The following PAPSS1 variants were observed in gnomAD, a reference collection of about 807,000 sequenced individuals.
The protein encoded by PAPSS1 is 3'-phosphoadenosine 5'-phosphosulfate synthase 1.
In PAPSS1, 50 loss-of-function variants were observed where a neutral mutation model predicts 72.0. That is an observed-to-expected ratio of 0.69 (90% CI 0.55 to 0.88). The LOEUF (loss-of-function observed/expected upper bound fraction) is 0.88. Among genes scored for constraint, PAPSS1 ranks in the 40% least tolerant of loss-of-function variants. The pLI is 0.00. For synonymous variants in PAPSS1, 261 were observed against 263.6 expected (o/e 0.99, Z 0.09); for missense variants, 657 against 782.2 (o/e 0.84, Z 1.91).
At chr4:107,629,299 T>C (rs943036208) in intron 11 of PAPSS1, among the ~76,000 whole-genome samples, 8 of 152,118 alleles carry the variant, frequency 5.3e-5, no homozygotes, top group Non-Finnish European at 1.0e-4. Flanking sequence ...AAATCAGCAG[T>C]TTACATTTTA....
intron 5 of PAPSS1, among the ~76,000 whole-genome samples, chr4:107,679,291 G>A (rs1376359324): frequency 1.3e-5 from 2 of 152,170 alleles, no homozygotes; most frequent in East Asian, 3.9e-4. Flanking sequence ...GGCATACAGG[G>A]AACACTGAGG....
intron 3 of PAPSS1, among the ~76,000 whole-genome samples, chr4:107,689,075 C>G (rs1314549611): frequency 6.6e-6 from 1 of 152,202 alleles, no homozygotes; most frequent in African/African-American, 2.4e-5. Flanking sequence ...AACCTCACTT[C>G]TCTTGTCTGA....
At chr4:107,679,573 A>G (rs1169204864) in intron 5 of PAPSS1, among the ~76,000 whole-genome samples, 1 of 152,138 alleles carries the variant, frequency 6.6e-6, no homozygotes, top group Non-Finnish European at 1.5e-5. Context: ...AAATTACAAG[A>G]TACACCAAGA....
At chr4:107,701,806 C>T (rs1723210617) in intron 1 of PAPSS1, among the ~76,000 whole-genome samples, 1 of 152,158 alleles carries the variant, frequency 6.6e-6, no homozygotes, top group Admixed American at 6.5e-5. Context: ...AAAAAGGAAA[C>T]AGAGTGCCTC....
intron 9 of PAPSS1, among the ~76,000 whole-genome samples, chr4:107,646,400 T>A (rs72673586): frequency 0.18 from 27,088 of 150,426 alleles, 3,102 homozygotes; most frequent in Non-Finnish European, 0.25. Flanking sequence ...TGTAGCACCG[T>A]TGTTTGGTCC....
intron 5 of PAPSS1, among the ~76,000 whole-genome samples, chr4:107,678,161 A>G (rs908144421): frequency 6.6e-6 from 1 of 152,140 alleles, no homozygotes; most frequent in Non-Finnish European, 1.5e-5. Flanking sequence ...CGTTGTGCAC[A>G]TGTACCCTAA....
chr4:107,717,536 T>C (rs976067949), intron 1 of PAPSS1, among the ~76,000 whole-genome samples: 7 of 152,182 alleles, frequency 4.6e-5, no homozygotes, highest in African/African-American at 1.7e-4. Context: ...AAAAGTTACA[T>C]AGTTAATAAA....
At chr4:107,634,547 A>G (rs1560566912) in intron 10 of PAPSS1, among the ~76,000 whole-genome samples, 1 of 152,158 alleles carries the variant, frequency 6.6e-6, no homozygotes, top group East Asian at 1.9e-4. Flanking sequence ...AAATTTACCA[A>G]CAAAATTAAC....
chr4:107,719,197 T>C (rs914962934), intron 1 of PAPSS1, among the ~76,000 whole-genome samples: 43 of 151,984 alleles, frequency 2.8e-4, no homozygotes, highest in African/African-American at 9.9e-4. Context: ...GTTTTTTTTT[T>C]CTTTGATTCA....
intron 9 of PAPSS1, among the ~76,000 whole-genome samples, chr4:107,652,919 G>A (rs113471116): frequency 0.01 from 1,540 of 151,914 alleles, 29 homozygotes; most frequent in African/African-American, 0.034. Context: ...AATCATGGTC[G>A]TGTATCATTG....
Position 107,701,276 on chromosome 4 carries a change from T to G in PAPSS1, c.70A>C (p.Arg24=). Residue 24 remains arginine (R), a synonymous_variant, in exon 2 of 12, where the codon AGA becomes CGA. Transcript: ENST00000265174. ...SNNAQNWGMQ[R]ATNVTYQAHH... The stretch of plus-strand genomic sequence containing the variant: ...GCTTGGTAGGTGACATTGGTTGCTC[T>G]CTGCATTCCCTAGAAAAAAAAGAAA... The G allele has an allele frequency of 6.2e-7, 1 of 1,609,216 alleles. No homozygotes were observed. The highest frequency in any genetic ancestry group is 8.5e-7 in the Non-Finnish European group (1 of 1,177,462).
At chr4:107,705,490 T>C (rs1009375763) in intron 1 of PAPSS1, among the ~76,000 whole-genome samples, 1 of 152,192 alleles carries the variant, frequency 6.6e-6, no homozygotes, top group African/African-American at 2.4e-5. Context: ...TCCTGGGGCG[T>C]CCCCAGTCAT....
intron 5 of PAPSS1, among the ~76,000 whole-genome samples, chr4:107,673,431 C>T (rs1202290921): frequency 1.3e-5 from 2 of 151,688 alleles, no homozygotes; most frequent in South Asian, 2.1e-4. Flanking sequence ...CCTCAGTAGC[C>T]GATTCGATCA....
intron 5 of PAPSS1, among the ~76,000 whole-genome samples, chr4:107,678,183 TA>T (rs1727710525): frequency 6.8e-6 from 1 of 147,152 alleles, no homozygotes; most frequent in Non-Finnish European, 1.5e-5. Context: ...ACTTAACGTA[TA>T]AAAAAGAAAA....
At chr4:107,678,691 G>A (rs1241718853) in intron 5 of PAPSS1, among the ~76,000 whole-genome samples, 2 of 152,078 alleles carry the variant, frequency 1.3e-5, no homozygotes, top group African/African-American at 4.8e-5. Flanking sequence ...AGACACAAGG[G>A]GTCCTGCACT....
chr4:107,619,970 T>C (rs1451461523), intron 11 of PAPSS1, among the ~76,000 whole-genome samples: 1 of 152,174 alleles, frequency 6.6e-6, no homozygotes. Flanking sequence ...AACTCCAAAG[T>C]AGAGATGACT....
chr4:107,635,020 G>C (rs573534127), intron 10 of PAPSS1, among the ~76,000 whole-genome samples: 105 of 151,998 alleles, frequency 6.9e-4, no homozygotes, highest in African/African-American at 2.2e-3. Context: ...GGATGGTCTC[G>C]ATCTCCTGAC....
At chr4:107,619,294 G>T (rs981584576) in intron 11 of PAPSS1, among the ~76,000 whole-genome samples, 4 of 152,132 alleles carry the variant, frequency 2.6e-5, no homozygotes, top group Admixed American at 2.6e-4. Flanking sequence ...TTGTCCTGAA[G>T]CTATTTCACA....
rs765168291 is a variant in PAPSS1 at position 107,681,997 on chromosome 4, T to C, written c.669+18A>G. ...ATATAATTTTTCTCTGATGATTCCT[T>C]CTTTCATCCTCTCTTACCCGTTCCT... On this transcript the variant is annotated intron_variant, in intron 5 of 11. Coordinates refer to ENST00000265174, the MANE Select transcript of PAPSS1 (RefSeq NM_005443.5). The C allele has an allele frequency of 6.5e-6, 8 of 1,224,818 alleles. No homozygotes were observed. The highest frequency in any genetic ancestry group is 8.2e-6 in the Non-Finnish European group (7 of 850,132). The allele number at this position is 1,224,818 out of a possible 1,614,324, so 75.9% of individuals were successfully genotyped here.
Sources: allele counts gnomAD v4.1 joint callset (sites outside exome capture counted in the v4.1 genomes callset), GRCh38; gene constraint gnomAD v4.1.1; transcripts MANE v1.5; gene names NCBI Gene and HGNC (gene_info 2026-07-23, HGNC 2026-07-21).